The following PLCZ1 variants were observed in gnomAD, a reference collection of about 807,000 sequenced individuals.
The protein encoded by PLCZ1 is 1-phosphatidylinositol 4,5-bisphosphate phosphodiesterase zeta-1.
In PLCZ1, 64 loss-of-function variants were observed where a neutral mutation model predicts 76.8. That is an observed-to-expected ratio of 0.83 (90% CI 0.68 to 1.03). The LOEUF is 1.03. Among genes scored for constraint, PLCZ1 ranks in the 50% least tolerant of loss-of-function variants. The pLI is 0.00. For missense variants in PLCZ1, 751 were observed against 713.7 expected, an observed-to-expected ratio of 1.05 and a Z score of -0.60; for synonymous variants, 248 against 230.8, an observed-to-expected ratio of 1.07 and a Z score of -0.68.
At chr12:18,729,440 C>T (rs532204159) in intron 3 of PLCZ1, among the ~76,000 whole-genome samples, 1 of 152,016 alleles carries the variant, frequency 6.6e-6, no homozygotes, top group South Asian at 2.1e-4. Context: ...CCTTTTTCTG[C>T]CCTTAAAAGA....
the PLCZ1 span, among the ~76,000 whole-genome samples, chr12:18,667,855 C>T: frequency 0.38 from 58,257 of 152,012 alleles, 13,891 homozygotes; most frequent in South Asian, 0.59. Context: ...GCTCTGCCTT[C>T]TTAAGAGGAG....
chr12:18,663,126 T>C, the PLCZ1 span, among the ~76,000 whole-genome samples: 240 of 152,188 alleles, frequency 1.6e-3, no homozygotes, highest in Middle Eastern at 6.8e-3. Flanking sequence ...TTATACTCAA[T>C]GTTGAAAGAC....
At chr12:18,708,359 A>AGAC (rs71440374) in intron 6 of PLCZ1, among the ~76,000 whole-genome samples, 5,566 of 152,306 alleles carry the variant, frequency 0.037, 137 homozygotes, top group East Asian at 0.085. Context: ...TTCTTTGTAA[A>AGAC]GACTGAATCA....
chr12:18,672,962 G>A, the PLCZ1 span, among the ~76,000 whole-genome samples: 1 of 152,156 alleles, frequency 6.6e-6, no homozygotes, highest in African/African-American at 2.4e-5. Flanking sequence ...AGGAAGAAGT[G>A]AGATGTGAAG....
At chr12:18,721,160 T>A (rs1958413527) in intron 4 of PLCZ1, among the ~76,000 whole-genome samples, 1 of 152,086 alleles carries the variant, frequency 6.6e-6, no homozygotes, top group Admixed American at 6.6e-5. Flanking sequence ...AACTACTGAA[T>A]AATTAAATAA....
At chr12:18,670,258 C>T in the PLCZ1 span, among the ~76,000 whole-genome samples, 2,003 of 152,102 alleles carry the variant, frequency 0.013, 19 homozygotes, top group Middle Eastern at 0.024. Flanking sequence ...CAGATTGCTA[C>T]ATTTCTCCAC....
At chr12:18,658,734 T>C in the PLCZ1 span, among the ~76,000 whole-genome samples, 3 of 152,132 alleles carry the variant, frequency 2.0e-5, no homozygotes, top group Non-Finnish European at 4.4e-5. Flanking sequence ...TAAATTCTTT[T>C]AGAAGGTTTT....
downstream of PLCZ1, among the ~76,000 whole-genome samples, chr12:18,679,686 G>A (rs900252518): frequency 6.6e-6 from 1 of 151,918 alleles, no homozygotes; most frequent in African/African-American, 2.4e-5. Context: ...CCTGGCTAAC[G>A]TTGCAGATAT....
At chr12:18,661,671 A>G in the PLCZ1 span, among the ~76,000 whole-genome samples, 1 of 152,158 alleles carries the variant, frequency 6.6e-6, no homozygotes, top group African/African-American at 2.4e-5. Flanking sequence ...CTGTGGAGAA[A>G]AGGGGATGCT....
chr12:18,683,390 G>T, intron 14 of PLCZ1, 66 bp from the exon 15 acceptor site: 1 of 1,536,078 alleles, frequency 6.5e-7, no homozygotes, highest in Non-Finnish European at 9.0e-7. Context: ...CAATAGCCTT[G>T]CTGAGAAACA....
the PLCZ1 span, among the ~76,000 whole-genome samples, chr12:18,663,040 C>T: frequency 1.6e-4 from 24 of 152,022 alleles, no homozygotes; most frequent in Non-Finnish European, 3.2e-4. Flanking sequence ...GGATTAAACT[C>T]TCTCCAGTCA....
rs1955660290 is a variant in PLCZ1, at chr12:18,699,957, A to C, written c.1018-7T>G. 1.2e-6 allele frequency: 2 copies of C among 1,605,486 alleles called. No homozygotes were observed. The highest frequency in any genetic ancestry group is 1.7e-6 in the Non-Finnish European group (2 of 1,175,672). ...CAATTTTTAGCTTCCTGGTCTAAAAATAAAATGCAGTAATTTTACATTTTT... is the reference window on the plus strand; with the variant it reads ...CAATTTTTAGCTTCCTGGTCTAAAACTAAAATGCAGTAATTTTACATTTTT... On this transcript the variant is annotated splice_polypyrimidine_tract_variant and splice_region_variant and intron_variant, in intron 9 of 14. Transcript: ENST00000266505.
At chr12:18,736,456 A>G (rs1959261406) in intron 2 of PLCZ1, 112 bp from the exon 3 acceptor site, 1 of 1,272,324 alleles carries the variant, frequency 7.9e-7, no homozygotes, top group Non-Finnish European at 1.1e-6. Flanking sequence ...GAATATGTTT[A>G]AAGTAAATTA....
chr12:18,661,210 G>A, the PLCZ1 span, among the ~76,000 whole-genome samples: 1 of 152,078 alleles, frequency 6.6e-6, no homozygotes, highest in Non-Finnish European at 1.5e-5. Context: ...TCTGCAAGAA[G>A]AGAAAGAGGC....
intron 5 of PLCZ1, among the ~76,000 whole-genome samples, chr12:18,718,959 A>G (rs774386816): frequency 1.1e-4 from 16 of 152,340 alleles, no homozygotes; most frequent in African/African-American, 3.8e-4. Flanking sequence ...ACTCTTTAAC[A>G]TACAAGTCTA....
At chr12:18,708,115 T>C (rs1956842729) in intron 6 of PLCZ1, among the ~76,000 whole-genome samples, 2 of 152,328 alleles carry the variant, frequency 1.3e-5, no homozygotes, top group Non-Finnish European at 2.9e-5. Flanking sequence ...TCTAGACTTT[T>C]TCATCCTACA....
chr12:18,704,177 T>C (rs1348771207), intron 7 of PLCZ1, among the ~76,000 whole-genome samples: 2 of 152,038 alleles, frequency 1.3e-5, no homozygotes, highest in African/African-American at 4.8e-5. Flanking sequence ...AGATGAAGAC[T>C]AAAAGAGGTT....
At chr12:18,647,225 AG>A in the PLCZ1 span, among the ~76,000 whole-genome samples, 2 of 152,160 alleles carry the variant, frequency 1.3e-5, no homozygotes, top group African/African-American at 4.8e-5. Flanking sequence ...TAAGTAGCAC[AG>A]GAAAATCATA....
the PLCZ1 span, among the ~76,000 whole-genome samples, chr12:18,650,712 CTATATATATA>C: frequency 7.7e-3 from 112 of 14,562 alleles, 1 homozygote; most frequent in East Asian, 0.091. Flanking sequence ...GTGTATATAT[CTATATATATA>C]TATATATATA....
Sources: gnomAD v4.1 joint callset for allele counts (sites outside exome capture counted in the v4.1 genomes callset) on GRCh38, gnomAD v4.1.1 for gene constraint, MANE v1.5 for transcripts, NCBI Gene and HGNC (gene_info 2026-07-23, HGNC 2026-07-21) for gene names.